Variants in PANK2 observed in about 807,000 individuals in gnomAD.
PANK2 encodes the protein pantothenate kinase 2.
A neutral mutation model predicts 43.1 loss-of-function variants in PANK2; 36 were observed. That is an observed-to-expected ratio of 0.84 (90% CI 0.64 to 1.10). The LOEUF (loss-of-function observed/expected upper bound fraction) is 1.10. Among genes scored for constraint, PANK2 ranks in the 50% least tolerant of loss-of-function variants. The pLI is 0.00. For synonymous variants in PANK2, 281 were observed against 238.2 expected, an observed-to-expected ratio of 1.18 and a Z score of -1.66; for missense variants, 576 against 593.3, an observed-to-expected ratio of 0.97 and a Z score of 0.30.
intron 1 of PANK2, among the ~76,000 whole-genome samples, chr20:3,905,787 C>T (rs1392070423): frequency 2.8e-5 from 4 of 141,162 alleles, no homozygotes; most frequent in Non-Finnish European, 4.6e-5. Context: ...GCTGTCTTGG[C>T]TCACTGAAAC....
At chr20:3,908,712 C>G (rs1030123475) in intron 2 of PANK2, 1 of 237,758 alleles carries the variant, frequency 4.2e-6, no homozygotes, top group African/African-American at 2.3e-5. Flanking sequence ...AAATAAGGAA[C>G]TCTGGTCAAA....
At position 3,928,054 on chromosome 20, in the gene PANK2, AT is replaced by A. The variant is rs1308106128; in HGVS notation, c.*4761del. The A allele has an allele frequency of 6.6e-6, 1 of 152,148 alleles. No homozygotes were observed. The highest frequency in any genetic ancestry group is 2.4e-5 in the African/African-American group (1 of 41,426). The allele number at this position is 152,148 out of a possible 1,614,324, so 9.4% of individuals were successfully genotyped here. On this transcript the variant is annotated 3_prime_UTR_variant, in exon 7 of 7. Transcript: ENST00000610179. Reference sequence around the variant, plus strand: ...GAAGCACACTCCCCAGCACATGGGGATCCCTTATTAATCTTTACTAAAGAAC... The same window carrying A: ...GAAGCACACTCCCCAGCACATGGGGACCCTTATTAATCTTTACTAAAGAAC...
intron 1 of PANK2, 200 bp downstream of exon 1, chr20:3,889,928 C>T: frequency 6.5e-7 from 1 of 1,531,334 alleles, no homozygotes; most frequent in Non-Finnish European, 8.7e-7. Context: ...CCCCCGCACC[C>T]ATTGGTATGC....
intron 2 of PANK2, 63 bp downstream of exon 2, chr20:3,908,341 G>A: frequency 7.3e-7 from 1 of 1,373,292 alleles, no homozygotes; most frequent in African/African-American, 1.4e-5. Context: ...AATGCCAGTA[G>A]CAAGTGGTGA....
At position 3,923,228 on chromosome 20, in the gene PANK2, G is replaced by T. The variant is rs752442630; in HGVS notation, c.1333-16G>T. 2.8e-5 allele frequency: 45 copies of T among 1,613,972 alleles called. 1 individual carries two copies. The South Asian group carries it at 3.6e-4, about 13-fold the overall frequency. On this transcript the variant is annotated splice_polypyrimidine_tract_variant and intron_variant, in intron 6 of 6. Transcript: ENST00000610179. ...CTAAGGAAAATTGCACTTATTTTTG[G>T]TGTATTTTCTTTCAGGGTTATTTTG...
intron 1 of PANK2, among the ~76,000 whole-genome samples, chr20:3,905,947 C>T (rs1180110276): frequency 2.6e-5 from 4 of 151,364 alleles, no homozygotes; most frequent in Non-Finnish European, 5.9e-5. Context: ...AACTCCTGAC[C>T]TCAGGTGATC....
intron 1 of PANK2, among the ~76,000 whole-genome samples, chr20:3,904,603 A>G (rs2090356093): frequency 6.6e-6 from 1 of 152,156 alleles, no homozygotes; most frequent in Non-Finnish European, 1.5e-5. Flanking sequence ...AAATAAATAG[A>G]AACAGTTTTG....
intron 1 of PANK2, among the ~76,000 whole-genome samples, chr20:3,896,229 A>ATTTTTTTTTTTT (rs35978823): frequency 8.0e-5 from 9 of 111,934 alleles, no homozygotes; most frequent in Admixed American, 1.0e-4. Context: ...CGCCTGGCTA[A>ATTTTTTTTTTTT]TTTTTTTTTT....
chr20:3,903,273 G>A (rs920737529), intron 1 of PANK2, among the ~76,000 whole-genome samples: 1 of 149,904 alleles, frequency 6.7e-6, no homozygotes, highest in Non-Finnish European at 1.5e-5. Context: ...TCAGCCTCCC[G>A]AGTAGCTGGG....
chr20:3,907,391 G>A (rs901268449), intron 1 of PANK2, among the ~76,000 whole-genome samples: 4 of 152,096 alleles, frequency 2.6e-5, no homozygotes, highest in Non-Finnish European at 5.9e-5. Flanking sequence ...GAGCCACTGC[G>A]CTTGGCCTAA....
intron 5 of PANK2, among the ~76,000 whole-genome samples, chr20:3,917,331 T>TG (rs1479965726): frequency 6.6e-6 from 1 of 151,886 alleles, no homozygotes; most frequent in Non-Finnish European, 1.5e-5. Flanking sequence ...TGGGGACTGT[T>TG]GGGGGTGATG....
chr20:3,901,935 C>G (rs1024970032), intron 1 of PANK2, among the ~76,000 whole-genome samples: 2 of 151,958 alleles, frequency 1.3e-5, no homozygotes, highest in African/African-American at 4.8e-5. Flanking sequence ...AAGTCTGATA[C>G]TGACTTTTAT....
chr20:3,894,621 C>G (rs779289568), intron 1 of PANK2, among the ~76,000 whole-genome samples: 1 of 151,780 alleles, frequency 6.6e-6, no homozygotes, highest in Non-Finnish European at 1.5e-5. Flanking sequence ...CTCTGTCGCC[C>G]AGGCTGGAGT....
In PANK2 at chr20:3,912,496, T is replaced by C. The variant is rs2146872522; in HGVS notation, c.944T>C (p.Leu315Pro). Residue 315 changes from leucine (L) to proline (P), a missense_variant, in exon 4 of 7, where the codon CTT becomes CCT. Physicochemically the swap from Leu to Pro is moderately conservative, Grantham distance 98. Transcript: ENST00000610179. The stretch of plus-strand genomic sequence containing the variant: ...ACTTTTTTTGGTCTCTGCTGTCTTC[T>C]TACTGGCTGTACCACTTTTGAAGAA... 1 of 1,614,208 alleles carries C rather than the reference T, an allele frequency of 6.2e-7. No individual in the cohort carries two copies. Among genetic ancestry groups the C allele is most frequent in the Non-Finnish European group, 8.5e-7 (1 of 1,180,036 alleles).
Position 3,910,435 on chromosome 20 carries a change from G to A in PANK2, c.652-142G>A, listed in dbSNP as rs1191402455. ...TGTCCCTAGGTTTGCTCCTAAATCT[G>A]TTCTGTAAAGCATGCACAAATAATA... On this transcript the variant is annotated intron_variant, in intron 2 of 6. Transcript: ENST00000610179. 12 of 939,448 alleles carry A rather than the reference G, an allele frequency of 1.3e-5. No individual in the cohort carries two copies. In the East Asian group the frequency reaches 3.1e-4, roughly 24 times the overall value. The allele number at this position is 939,448 out of a possible 1,614,324, so 58.2% of individuals were successfully genotyped here. A position where few individuals can be genotyped will look rare whatever the true frequency, so the allele number is the denominator to read the frequency against.
Position 3,889,714 on chromosome 20 carries a change from G to A in PANK2, c.284G>A (p.Arg95Lys). The A allele has an allele frequency of 6.3e-7, 1 of 1,596,276 alleles. No individual in the cohort carries two copies. The highest frequency in any genetic ancestry group is 8.5e-7 in the Non-Finnish European group (1 of 1,179,214). The change falls in exon 1 of 7, where the codon AGG (arginine) becomes AAG (lysine). Residue 95 changes from arginine to lysine, a missense_variant. By Grantham distance (26) the Arg-to-Lys change is conservative (BLOSUM62 2). Coordinates refer to ENST00000610179, the MANE Select transcript of PANK2 (RefSeq NM_001386393.1). ...TCCCGCCAGCGCGTCGAAAGCCTGA[G>A]GAAAAAGCGGCCGCGTAAGTGTTCC...
chr20:3,889,380 C>G (rs199680057), upstream of PANK2: 254 of 1,574,680 alleles, frequency 1.6e-4, 1 homozygote, highest in East Asian at 5.2e-3. Context: ...GCCGAGGGCG[C>G]GCCTCTGCTC....
intron 4 of PANK2, among the ~76,000 whole-genome samples, chr20:3,915,202 G>A (rs1027749372): frequency 6.6e-6 from 1 of 150,676 alleles, no homozygotes; most frequent in Non-Finnish European, 1.5e-5. Context: ...CTAAGATCAT[G>A]AAGAATTGCC....
At chr20:3,905,365 T>G (rs1242824020) in intron 1 of PANK2, among the ~76,000 whole-genome samples, 1 of 151,584 alleles carries the variant, frequency 6.6e-6, no homozygotes, top group Non-Finnish European at 1.5e-5. Flanking sequence ...TTTTTTTTTT[T>G]TTTGAGACGG....
Sources: allele counts gnomAD v4.1 joint callset (sites outside exome capture counted in the v4.1 genomes callset), GRCh38; gene constraint gnomAD v4.1.1; transcripts MANE v1.5; gene names NCBI Gene and HGNC (gene_info 2026-07-23, HGNC 2026-07-21).